Variants in MAN1A2 observed in about 807,000 individuals in gnomAD.
The protein encoded by MAN1A2 is mannosyl-oligosaccharide 1,2-alpha-mannosidase IB.
MAN1A2 carries 26 observed loss-of-function variants against 75.7 expected under a neutral mutation model. The observed-to-expected ratio is 0.34, with a 90% CI of 0.25 to 0.48. The LOEUF is 0.48. MAN1A2 is among the 20% of genes least tolerant of loss of function. MAN1A2 has a pLI of 0.99. For synonymous variants in MAN1A2, 247 were observed against 264.6 expected, an observed-to-expected ratio of 0.93 and a Z score of 0.65; for missense variants, 562 against 775.5, an observed-to-expected ratio of 0.72 and a Z score of 3.27.
chr1:117,371,937 G>A (rs1652977890), intron 1 of MAN1A2, among the ~76,000 whole-genome samples: 1 of 152,160 alleles, frequency 6.6e-6, no homozygotes, highest in Non-Finnish European at 1.5e-5. Flanking sequence ...GGGCGGGCAT[G>A]TGCCACTCAG....
intron 5 of MAN1A2, among the ~76,000 whole-genome samples, chr1:117,424,687 A>G (rs770618816): frequency 1.2e-4 from 18 of 152,156 alleles, no homozygotes; most frequent in Non-Finnish European, 2.6e-4. Context: ...AGTCTGCTGC[A>G]TACCCCATCC....
At chr1:117,471,800 T>G (rs1650169960) in intron 8 of MAN1A2, among the ~76,000 whole-genome samples, 2 of 151,974 alleles carry the variant, frequency 1.3e-5, no homozygotes, top group Admixed American at 1.3e-4. Flanking sequence ...TTGCACTCAG[T>G]GAATATATAT....
At chr1:117,521,216 A>G (rs541849483) in intron 12 of MAN1A2, among the ~76,000 whole-genome samples, 7 of 152,098 alleles carry the variant, frequency 4.6e-5, no homozygotes, top group African/African-American at 7.2e-5. Context: ...CTAGAAGATA[A>G]CATTGGAAAA....
At chr1:117,459,335 C>G (rs1250443037) in intron 6 of MAN1A2, among the ~76,000 whole-genome samples, 1 of 152,058 alleles carries the variant, frequency 6.6e-6, no homozygotes, top group African/African-American at 2.4e-5. Context: ...GCAAGCAAGA[C>G]TCAAAGAAAC....
intron 8 of MAN1A2, among the ~76,000 whole-genome samples, chr1:117,490,219 T>C (rs138905971): frequency 6.6e-6 from 1 of 152,144 alleles, no homozygotes; most frequent in Non-Finnish European, 1.5e-5. Flanking sequence ...TGTTTGCAAA[T>C]TGCAGATTTG....
chr1:117,500,041 G>C (rs1389589498), intron 11 of MAN1A2, among the ~76,000 whole-genome samples: 1 of 151,786 alleles, frequency 6.6e-6, no homozygotes, highest in Non-Finnish European at 1.5e-5. Context: ...GAATGACTAA[G>C]GACATCCCAA....
chr1:117,447,767 G>A (rs952077852), intron 6 of MAN1A2, among the ~76,000 whole-genome samples: 3 of 151,854 alleles, frequency 2.0e-5, no homozygotes, highest in Admixed American at 6.6e-5. Flanking sequence ...AGTCCTTAAG[G>A]TATTTTTGTG....
At chr1:117,496,450 A>G (rs1191058252) in intron 9 of MAN1A2, among the ~76,000 whole-genome samples, 1 of 152,028 alleles carries the variant, frequency 6.6e-6, no homozygotes, top group Non-Finnish European at 1.5e-5. Flanking sequence ...TATCCATGAC[A>G]AAGCATCCAA....
At chr1:117,453,666 A>G (rs1024623388) in intron 6 of MAN1A2, among the ~76,000 whole-genome samples, 5 of 152,228 alleles carry the variant, frequency 3.3e-5, no homozygotes, top group Admixed American at 1.3e-4. Context: ...TGAAGATGCT[A>G]TGAACATTGT....
At chr1:117,473,887 G>T (rs987542215) in intron 8 of MAN1A2, among the ~76,000 whole-genome samples, 5 of 152,032 alleles carry the variant, frequency 3.3e-5, no homozygotes, top group African/African-American at 1.2e-4. Flanking sequence ...TAGCAGAGAA[G>T]AAGGTAGAGC....
chr1:117,430,964 T>C (rs2101797674), intron 5 of MAN1A2, among the ~76,000 whole-genome samples: 1 of 135,730 alleles, frequency 7.4e-6, no homozygotes, highest in African/African-American at 2.8e-5. Context: ...TCCCGGCACC[T>C]CGGGAGGCTG....
At chr1:117,397,897 C>G (rs775141737) in intron 1 of MAN1A2, among the ~76,000 whole-genome samples, 34 of 152,038 alleles carry the variant, frequency 2.2e-4, no homozygotes, top group Non-Finnish European at 3.8e-4. Context: ...CGTGATCCAC[C>G]CGCCTTAGCC....
intron 12 of MAN1A2, among the ~76,000 whole-genome samples, chr1:117,519,787 C>T (rs1651817791): frequency 6.6e-6 from 1 of 151,998 alleles, no homozygotes; most frequent in African/African-American, 2.4e-5. Flanking sequence ...TGACACTATT[C>T]CGCAAGACAG....
intron 1 of MAN1A2, among the ~76,000 whole-genome samples, chr1:117,387,684 T>C (rs1653582293): frequency 6.6e-6 from 1 of 152,314 alleles, no homozygotes; most frequent in Middle Eastern, 3.4e-3. Flanking sequence ...TTGCTTGAGC[T>C]GCCTTAACAA....
intron 6 of MAN1A2, among the ~76,000 whole-genome samples, chr1:117,455,330 A>G (rs1346489188): frequency 6.6e-6 from 1 of 152,096 alleles, no homozygotes; most frequent in African/African-American, 2.4e-5. Flanking sequence ...CAAATTGAGA[A>G]TTGTTTGAGA....
At chr1:117,460,108 T>C (rs1386176145) in intron 6 of MAN1A2, among the ~76,000 whole-genome samples, 2 of 151,558 alleles carry the variant, frequency 1.3e-5, no homozygotes, top group East Asian at 1.9e-4. Context: ...TGAACTGATA[T>C]GGAAAGACCA....
intron 1 of MAN1A2, among the ~76,000 whole-genome samples, chr1:117,370,737 T>TTGTGTG (rs1557921922): frequency 2.3e-5 from 1 of 43,882 alleles, no homozygotes; most frequent in Admixed American, 2.7e-4. Flanking sequence ...TATCTTCATT[T>TTGTGTG]AGTGTGTGTG....
chr1:117,467,370 G>T (rs1650013224), intron 8 of MAN1A2, among the ~76,000 whole-genome samples: 1 of 152,024 alleles, frequency 6.6e-6, no homozygotes, highest in African/African-American at 2.4e-5. Context: ...AAAATAAGCT[G>T]GTGTGAGTAC....
chr1:117,517,083 G>C (rs964382495), intron 12 of MAN1A2, among the ~76,000 whole-genome samples: 3 of 152,142 alleles, frequency 2.0e-5, no homozygotes, highest in Admixed American at 6.6e-5. Context: ...GAGTACTCAG[G>C]AAGGTCCTGC....
Sources: allele counts gnomAD v4.1 joint callset (sites outside exome capture counted in the v4.1 genomes callset), GRCh38; gene constraint gnomAD v4.1.1; transcripts MANE v1.5; gene names NCBI Gene and HGNC (gene_info 2026-07-23, HGNC 2026-07-21).